Variants in FLNB observed in about 807,000 individuals in gnomAD.
The protein encoded by FLNB is filamin-B.
A neutral mutation model predicts 250.6 loss-of-function variants in FLNB; 111 were observed. That is an observed-to-expected ratio of 0.44 (90% CI 0.38 to 0.52). FLNB has a LOEUF of 0.52. FLNB is among the 20% of genes least tolerant of loss of function. The pLI is 0.00. For synonymous variants in FLNB, 1,302 were observed against 1,372.1 expected (o/e 0.95, Z 1.13); for missense variants, 2,869 against 3,447.8 (o/e 0.83, Z 4.20).
At chr3:58,009,204 T>A (rs2097094699) in intron 1 of FLNB, among the ~76,000 whole-genome samples, 1 of 152,074 alleles carries the variant, frequency 6.6e-6, no homozygotes, top group Non-Finnish European at 1.5e-5. Context: ...TCGTTCGCTG[T>A]CCCCGGGGGC....
At chr3:58,018,286 G>T (rs936897471) in intron 1 of FLNB, among the ~76,000 whole-genome samples, 1 of 148,306 alleles carries the variant, frequency 6.7e-6, no homozygotes, top group Non-Finnish European at 1.5e-5. Flanking sequence ...ATGAGACAGC[G>T]AACACATCCT....
intron 1 of FLNB, among the ~76,000 whole-genome samples, chr3:58,035,887 A>G (rs1038016464): frequency 1.3e-5 from 2 of 152,198 alleles, no homozygotes; most frequent in Admixed American, 1.3e-4. Context: ...AGCATGGGAA[A>G]GATTTTTATT....
intron 1 of FLNB, among the ~76,000 whole-genome samples, chr3:58,023,372 T>A (rs2097117392): frequency 6.6e-6 from 1 of 152,152 alleles, no homozygotes; most frequent in African/African-American, 2.4e-5. Context: ...AGTGAGCCCC[T>A]GTGCCCAGCC....
At chr3:58,147,047 A>C (rs924236311) in intron 34 of FLNB, 54 bp downstream of exon 34, 167 of 1,556,836 alleles carry the variant, frequency 1.1e-4, no homozygotes, top group Admixed American at 5.7e-4. Flanking sequence ...GCTGCCTCTG[A>C]CTGCCACCCT....
intron 1 of FLNB, among the ~76,000 whole-genome samples, chr3:58,058,428 C>T (rs555787263): frequency 4.0e-5 from 6 of 150,710 alleles, no homozygotes; most frequent in African/African-American, 1.2e-4. Flanking sequence ...TCTAAATCTT[C>T]GTCACAGACA....
At chr3:58,147,818 C>G (rs2097338097) in intron 34 of FLNB, among the ~76,000 whole-genome samples, 1 of 152,128 alleles carries the variant, frequency 6.6e-6, no homozygotes. Flanking sequence ...CACCACCACA[C>G]CCAGCTTATT....
intron 43 of FLNB, chr3:58,165,663 G>A (rs1029503710): frequency 5.9e-5 from 9 of 152,172 alleles, no homozygotes; most frequent in African/African-American, 1.9e-4. Flanking sequence ...AGAATTTGGG[G>A]CGGGACCCTG....
intron 1 of FLNB, among the ~76,000 whole-genome samples, chr3:58,052,746 A>G (rs2097164361): frequency 6.6e-6 from 1 of 152,222 alleles, no homozygotes; most frequent in Admixed American, 6.5e-5. Context: ...TGCTGGGCAC[A>G]GCATAGGAGC....
At chr3:58,148,440 G>A (rs2097339448) in intron 35 of FLNB, 76 bp downstream of exon 35, 3 of 1,519,946 alleles carry the variant, frequency 2.0e-6, no homozygotes, top group African/African-American at 2.7e-5. Context: ...GTCCTTTCTT[G>A]GGAATGGGTA....
chr3:58,032,816 C>G (rs1170994880), intron 1 of FLNB, among the ~76,000 whole-genome samples: 5 of 152,012 alleles, frequency 3.3e-5, no homozygotes, highest in South Asian at 2.1e-4. Flanking sequence ...GCCTGTAATC[C>G]CAACATTTTG....
intron 1 of FLNB, among the ~76,000 whole-genome samples, chr3:58,041,639 G>T (rs963667533): frequency 6.6e-6 from 1 of 152,194 alleles, no homozygotes; most frequent in African/African-American, 2.4e-5. Context: ...CAGTCACTGG[G>T]CCGGGAAGAC....
intron 1 of FLNB, among the ~76,000 whole-genome samples, chr3:58,063,469 A>T (rs1180249305): frequency 6.6e-6 from 1 of 152,216 alleles, no homozygotes; most frequent in Non-Finnish European, 1.5e-5. Context: ...TTGAGCCGTC[A>T]GCTGAGCTAA....
At chr3:58,085,311 T>G (rs2097215756) in intron 4 of FLNB, among the ~76,000 whole-genome samples, 1 of 152,130 alleles carries the variant, frequency 6.6e-6, no homozygotes, top group South Asian at 2.1e-4. Flanking sequence ...GGTGACAGGG[T>G]CACAAGGCCA....
intron 26 of FLNB, among the ~76,000 whole-genome samples, chr3:58,133,435 T>TG (rs1165558942): frequency 6.0e-4 from 64 of 107,176 alleles, no homozygotes; most frequent in African/African-American, 1.7e-3. Flanking sequence ...CTGACATCTC[T>TG]GGAAAAAAAA....
chr3:58,146,791 C>T, intron 33 of FLNB, 29 bp from the exon 34 acceptor site: 2 of 1,613,428 alleles, frequency 1.2e-6, no homozygotes, highest in Non-Finnish European at 8.5e-7. Context: ...CTCTCCCTAA[C>T]ACCCCTGCAT....
chr3:58,170,416 C>T, intron 45 of FLNB, 159 bp from the exon 46 acceptor site: 1 of 684,526 alleles, frequency 1.5e-6, no homozygotes, highest in Non-Finnish European at 2.6e-6. Context: ...CCCACACCGT[C>T]AGGCTCTATG....
In FLNB at chr3:58,110,140, A is replaced by G; in HGVS notation, c.2454A>G (p.Arg818=). 2 of 1,614,168 alleles carry G rather than the reference A, an allele frequency of 1.2e-6. No individual in the cohort carries two copies. Among genetic ancestry groups the G allele is most frequent in the Non-Finnish European group, 1.7e-6 (2 of 1,180,042 alleles). The change falls in exon 16 of 46, where the codon CGA becomes CGG. Residue 818 remains arginine, a synonymous_variant. Transcript: ENST00000295956. ...TVKYVPPAAG[R]YTIKVLFASQ... ...AATATGTGCCTCCTGCTGCTGGGCG[A>G]TACACTATCAAAGTTCTCTTTGCAT... is the stretch of plus-strand genomic sequence containing the variant.
intron 4 of FLNB, among the ~76,000 whole-genome samples, chr3:58,093,347 G>T (rs1419576548): frequency 6.6e-6 from 1 of 152,164 alleles, no homozygotes; most frequent in South Asian, 2.1e-4. Flanking sequence ...ATACTTCAGG[G>T]ATGTGGAGGC....
chr3:58,022,882 A>G (rs544464833), intron 1 of FLNB, among the ~76,000 whole-genome samples: 31 of 152,036 alleles, frequency 2.0e-4, no homozygotes, highest in African/African-American at 6.3e-4. Flanking sequence ...CAGTGGCGCA[A>G]TCTTGGCTCA....
Sources: allele counts gnomAD v4.1 joint callset (sites outside exome capture counted in the v4.1 genomes callset), GRCh38; gene constraint gnomAD v4.1.1; transcripts MANE v1.5; gene names NCBI Gene and HGNC (gene_info 2026-07-23, HGNC 2026-07-21).